The following TMEM143 variants were observed in gnomAD, a reference collection of about 807,000 sequenced individuals.
The protein encoded by TMEM143 is transmembrane protein 143.
In TMEM143, 45 loss-of-function variants were observed where a neutral mutation model predicts 40.3. The observed-to-expected ratio is 1.12, with a 90% CI of 0.88 to 1.43. TMEM143 has a LOEUF of 1.43. Ranked by LOEUF, TMEM143 falls within the 40% of genes most tolerant of loss-of-function variation. The probability of loss-of-function intolerance (pLI) is 0.00; values close to 1 mark genes in which losing one functional copy is unlikely to be tolerated. For synonymous variants in TMEM143, 299 were observed against 282.7 expected (o/e 1.06, Z -0.58); for missense variants, 620 against 613.4 (o/e 1.01, Z -0.11).
In TMEM143 at chr19:48,334,191, C is replaced by T. The variant is rs768293498; in HGVS notation, c.982G>A (p.Gly328Arg). Residue 328 changes from glycine (G) to arginine (R), a missense_variant, in exon 7 of 8, where the codon GGG becomes AGG. Gly to Arg is a moderately radical substitution (Grantham distance 125). Coordinates refer to ENST00000293261, the MANE Select transcript of TMEM143 (RefSeq NM_018273.4). ...FMGLRASKMF[G>R]QRRSAQALEL... ...AACGCCTGCGCGCTGCGCCGCTGCC[C>T]GAACATCTGCAGGCGGGACAGCGCC... The T allele has an allele frequency of 1.2e-6, 2 of 1,600,778 alleles. No individual in the cohort carries two copies. Among genetic ancestry groups the T allele is most frequent in the East Asian group, 2.3e-5 (1 of 44,364 alleles).
intron 3 of TMEM143, among the ~76,000 whole-genome samples, chr19:48,347,956 G>C (rs1355921723): frequency 6.7e-5 from 10 of 149,400 alleles, no homozygotes; most frequent in Non-Finnish European, 1.5e-4. Flanking sequence ...AGGAGGTTGA[G>C]GCTGCAGTAA....
At chr19:48,345,772 G>C (rs541415249) in intron 3 of TMEM143, among the ~76,000 whole-genome samples, 9 of 146,554 alleles carry the variant, frequency 6.1e-5, no homozygotes, top group East Asian at 2.1e-4. Flanking sequence ...TGCCCGGCCT[G>C]TGTTTTTTTG....
intron 2 of TMEM143, 68 bp downstream of exon 2, chr19:48,363,223 G>A (rs1600932960): frequency 6.5e-7 from 1 of 1,539,156 alleles, no homozygotes; most frequent in East Asian, 2.3e-5. Context: ...CAGCAACTAG[G>A]GCCCTGCCGC....
At chr19:48,361,013 C>T (rs1307631696) in intron 2 of TMEM143, among the ~76,000 whole-genome samples, 1 of 151,340 alleles carries the variant, frequency 6.6e-6, no homozygotes, top group Non-Finnish European at 1.5e-5. Flanking sequence ...GGTCTGAACT[C>T]CTGTGCTCCA....
In TMEM143 at chr19:48,334,003, C is replaced by G. The variant is rs1219682254; in HGVS notation, c.1165+5G>C. On this transcript the variant is annotated splice_donor_5th_base_variant and intron_variant, in intron 7 of 7. Transcript: ENST00000293261. ...TGGGGGCAGGGTCCCAGGGCCACGT[C>G]CTACCTTCGGGCGAGCCTTGAGTGC... The G allele has an allele frequency of 6.5e-7, 1 of 1,537,710 alleles. No homozygotes were observed. The highest frequency in any genetic ancestry group is 2.0e-5 in the Admixed American group (1 of 51,218).
intron 6 of TMEM143, among the ~76,000 whole-genome samples, chr19:48,335,664 A>G (rs909516340): frequency 2.6e-5 from 4 of 152,158 alleles, no homozygotes; most frequent in African/African-American, 9.7e-5. Flanking sequence ...CAGAGGTTGC[A>G]GTGAGCCGAG....
In TMEM143 at chr19:48,334,119, C is replaced by A. The variant is rs1399285273; in HGVS notation, c.1054G>T (p.Glu352Ter). 2 of 1,605,024 alleles carry A rather than the reference C, an allele frequency of 1.2e-6. No homozygotes were observed. The highest frequency in any genetic ancestry group is 1.7e-6 in the Non-Finnish European group (2 of 1,176,546). ...CGCAGGGCCAGGGCGCTGAGCAGCT[C>A]CGAGTTGTTGGACGTACTGCGATAG... ...LYYRSTSNNSELLSALALRAQ... is the reference protein window; with the variant it reads ...LYYRSTSNNS The change falls in exon 7 of 8, where the codon GAG becomes TAG. Residue 352 changes from glutamate to a stop codon, truncating the protein, a stop_gained. Coordinates refer to ENST00000293261, the MANE Select transcript of TMEM143 (RefSeq NM_018273.4). LOFTEE classifies it high-confidence loss of function.
At chr19:48,343,530 C>T in intron 4 of TMEM143, 79 bp from the exon 5 acceptor site, 1 of 1,486,860 alleles carries the variant, frequency 6.7e-7, no homozygotes, top group Non-Finnish European at 9.0e-7. Context: ...ATCAGATGTC[C>T]TGCCCCTAAA....
At chr19:48,357,423 G>A (rs1441865584) in intron 3 of TMEM143, among the ~76,000 whole-genome samples, 1 of 135,780 alleles carries the variant, frequency 7.4e-6, no homozygotes, top group Non-Finnish European at 1.5e-5. Flanking sequence ...GCGCAATCTT[G>A]GCTCACTGCA....
intron 6 of TMEM143, among the ~76,000 whole-genome samples, chr19:48,339,010 G>A (rs1969431308): frequency 6.6e-6 from 1 of 152,206 alleles, no homozygotes; most frequent in Non-Finnish European, 1.5e-5. Flanking sequence ...AAGCATGCAG[G>A]AGGAGCTGAG....
chr19:48,355,643 T>A (rs935267227), intron 3 of TMEM143, among the ~76,000 whole-genome samples: 5 of 152,164 alleles, frequency 3.3e-5, no homozygotes, highest in Admixed American at 6.5e-5. Context: ...AGTGCGGAGC[T>A]GCAGAAGGCA....
Position 48,363,323 on chromosome 19 carries a change from A to T in TMEM143, c.232T>A (p.Ser78Thr). 6.2e-7 allele frequency: 1 copy of T among 1,614,108 alleles called. No homozygotes were observed. Among genetic ancestry groups the T allele is most frequent in the Non-Finnish European group, 8.5e-7 (1 of 1,180,004 alleles). Reference sequence around the variant, plus strand: ...AGGAGGCGGAGCAGCTGCTCCTTGGAGAAGGGAATGAAGCGCTCGCGGTAC... The same window carrying T: ...AGGAGGCGGAGCAGCTGCTCCTTGGTGAAGGGAATGAAGCGCTCGCGGTAC... The part of the protein sequence containing the change: ...QQYRERFIPF[S>T]KEQLLRLLIQ... The change falls in exon 2 of 8, where the codon TCC becomes ACC. Residue 78 changes from serine (S) to threonine (T), a missense_variant. Coordinates refer to ENST00000293261, the MANE Select transcript of TMEM143 (RefSeq NM_018273.4).
Position 48,342,757 on chromosome 19 carries a change from C to G in TMEM143, c.748G>C (p.Val250Leu), listed in dbSNP as rs766256008. Reference sequence around the variant, plus strand: ...GGCGTGTCCTTGAAACTCTTCAGTACCAGGTGTCCCCGTTTGGTCCGGGCT... The same window carrying G: ...GGCGTGTCCTTGAAACTCTTCAGTAGCAGGTGTCCCCGTTTGGTCCGGGCT... ...LAARTKRGHL[V>L]LKSFKDTPLE... The change falls in exon 6 of 8, where the codon GTA becomes CTA. Residue 250 changes from valine to leucine, a missense_variant. Val to Leu is a conservative substitution (Grantham distance 32). Transcript: ENST00000293261. The G allele has an allele frequency of 1.2e-6, 2 of 1,612,726 alleles. No individual in the cohort carries two copies. The highest frequency in any genetic ancestry group is 1.3e-5 in the African/African-American group (1 of 75,030).
Position 48,357,409 on chromosome 19 carries a change from G to A in TMEM143, c.369+2663C>T, listed in dbSNP as rs550363277. ...TCACTCTATCGCCCAGCTGGAGTGCGGTGGCGCAATCTTGGCTCACTGCAA... is the reference window on the plus strand; with the variant it reads ...TCACTCTATCGCCCAGCTGGAGTGCAGTGGCGCAATCTTGGCTCACTGCAA... On this transcript the variant is annotated intron_variant, in intron 3 of 7. Transcript: ENST00000293261. Among the ~76,000 whole-genome samples the A allele has an allele frequency of 2.3e-3, 337 of 144,580 alleles. 2 individuals are homozygous for A. The highest frequency in any genetic ancestry group is 4.2e-3 in the Non-Finnish European group (279 of 66,572). 94.9% of individuals were successfully genotyped at this position (144,580 alleles called of 152,430 possible). A position where few individuals can be genotyped will look rare whatever the true frequency, so the allele number is the denominator to read the frequency against.
intron 3 of TMEM143, among the ~76,000 whole-genome samples, chr19:48,351,777 G>A (rs1297836580): frequency 3.3e-5 from 5 of 151,934 alleles, no homozygotes; most frequent in African/African-American, 9.7e-5. Flanking sequence ...GCTCAGTGAG[G>A]CCTTCCTGAC....
At chr19:48,338,659 G>A (rs1054323218) in intron 6 of TMEM143, among the ~76,000 whole-genome samples, 3 of 152,182 alleles carry the variant, frequency 2.0e-5, no homozygotes, top group Non-Finnish European at 2.9e-5. Context: ...ATTACAGACC[G>A]ACTGCCTGTG....
rs558857993 is a variant in TMEM143, at chr19:48,334,390, T to G, written c.976-193A>C. On this transcript the variant is annotated intron_variant, in intron 6 of 7. Transcript: ENST00000293261. ...GATCTATTTGGGGATTTTTGGGGTC[T>G]GTCTTTTCTTTTTCTTTCTTTTTCT... 1.1e-4 allele frequency among the ~76,000 whole-genome samples: 17 copies of G among 151,096 alleles called. No individual in the cohort carries two copies. The South Asian group carries it at 1.5e-3, about 13-fold the overall frequency.
At chr19:48,361,291 G>A (rs1569039286) in intron 2 of TMEM143, among the ~76,000 whole-genome samples, 1 of 150,876 alleles carries the variant, frequency 6.6e-6, no homozygotes, top group Non-Finnish European at 1.5e-5. Context: ...CATGATCTCA[G>A]CTCACTGCGA....
chr19:48,342,684 G>A lies in TMEM143; in HGVS notation c.821C>T (p.Pro274Leu). 6.2e-7 allele frequency: 1 copy of A among 1,614,144 alleles called. No homozygotes were observed. Among genetic ancestry groups the A allele is most frequent in the Non-Finnish European group, 8.5e-7 (1 of 1,180,024 alleles). The change falls in exon 6 of 8, where the codon CCC (proline) becomes CTC (leucine). Residue 274 changes from proline to leucine, a missense_variant. Physicochemically the swap from Pro to Leu is moderately conservative, Grantham distance 98. Coordinates refer to ENST00000293261, the MANE Select transcript of TMEM143 (RefSeq NM_018273.4). ...QLLPELKVRT[P>L]TLQRALLNLM... Reference sequence around the variant, plus strand: ...GTTGAGCAGGGCGCGCTGCAGGGTGGGCGTGCGCACCTTCAGCTCCGGCAG... The same window carrying A: ...GTTGAGCAGGGCGCGCTGCAGGGTGAGCGTGCGCACCTTCAGCTCCGGCAG...
Sources: allele counts gnomAD v4.1 joint callset (sites outside exome capture counted in the v4.1 genomes callset), GRCh38; gene constraint gnomAD v4.1.1; transcripts MANE v1.5; gene names NCBI Gene and HGNC (gene_info 2026-07-23, HGNC 2026-07-21).